CCND3: variants seen among roughly 807,000 people sequenced by gnomAD.
CCND3 encodes the protein cyclin D3, also known as G1/S-specific cyclin-D3.
In CCND3, 9 loss-of-function variants were observed where a neutral mutation model predicts 28.7. That is an observed-to-expected ratio of 0.31 (90% CI 0.19 to 0.55). CCND3 has a LOEUF of 0.55. CCND3 is among the 20% of genes least tolerant of loss of function. CCND3 has a pLI of 0.93. For missense variants in CCND3, 315 were observed against 385.8 expected (o/e 0.82, Z 1.54); for synonymous variants, 164 against 163.9 (o/e 1.00, Z 0.00).
At chr6:41,969,737 AAAAC>A (rs960473625) in intron 1 of CCND3, among the ~76,000 whole-genome samples, 17 of 152,254 alleles carry the variant, frequency 1.1e-4, no homozygotes, top group Middle Eastern at 3.4e-3. Context: ...TCCATCTCAA[AAAAC>A]AAACAAACAA....
intron 1 of CCND3, among the ~76,000 whole-genome samples, chr6:42,025,917 C>T (rs1479366376): frequency 6.6e-6 from 1 of 152,142 alleles, no homozygotes; most frequent in Non-Finnish European, 1.5e-5. Context: ...AGACACTGAG[C>T]GGATGAGTGA....
At chr6:41,998,837 AC>A (rs1369192372) in intron 1 of CCND3, among the ~76,000 whole-genome samples, 1 of 150,340 alleles carries the variant, frequency 6.7e-6, no homozygotes, top group African/African-American at 2.4e-5. Context: ...GTGCCACCAC[AC>A]CTGGTTAATT....
Position 42,048,416 on chromosome 6 carries a change from C to A in CCND3, c.-46+85G>T. 2.8e-6 allele frequency: 1 copy of A among 363,324 alleles called. No individual in the cohort carries two copies. The highest frequency in any genetic ancestry group is 5.5e-6 in the Non-Finnish European group (1 of 182,944). The allele number at this position is 363,324 out of a possible 1,614,324, so 22.5% of individuals were successfully genotyped here. On this transcript the variant is annotated intron_variant, in intron 1 of 4. Transcript: ENST00000372988. The surrounding 1 kb of genome is among the most constrained non-coding windows in gnomAD (Gnocchi z 4.7). ...GATGAGGATGCGGCGACCCCATTGACCCACCCAGCACCGATCCCCAACGCA... is the reference window on the plus strand; with the variant it reads ...GATGAGGATGCGGCGACCCCATTGAACCACCCAGCACCGATCCCCAACGCA...
intron 1 of CCND3, among the ~76,000 whole-genome samples, chr6:41,969,408 C>T (rs1200432245): frequency 1.3e-5 from 2 of 151,526 alleles, no homozygotes; most frequent in Admixed American, 6.6e-5. Flanking sequence ...CCCAGCTACT[C>T]GGGAGGCTGA....
At chr6:42,033,672 A>C (rs948404892) in intron 1 of CCND3, among the ~76,000 whole-genome samples, 1 of 150,646 alleles carries the variant, frequency 6.6e-6, no homozygotes, top group African/African-American at 2.4e-5. Context: ...ACATGGAAAA[A>C]CCCCGTCTCT....
intron 1 of CCND3, among the ~76,000 whole-genome samples, chr6:41,987,511 C>CTG (rs1239234289): frequency 9.2e-5 from 4 of 43,510 alleles, no homozygotes; most frequent in African/African-American, 8.3e-4. Context: ...CTCTCTCTCT[C>CTG]TCTCTCTGTG....
intron 1 of CCND3, among the ~76,000 whole-genome samples, chr6:41,988,689 A>G (rs937852706): frequency 8.6e-6 from 1 of 116,836 alleles, no homozygotes; most frequent in Non-Finnish European, 1.8e-5. Flanking sequence ...TGATAAGCTG[A>G]ACTTCTTTTC....
At chr6:41,988,055 C>A (rs1223392145) in intron 1 of CCND3, among the ~76,000 whole-genome samples, 1 of 151,966 alleles carries the variant, frequency 6.6e-6, no homozygotes, top group Non-Finnish European at 1.5e-5. Flanking sequence ...GTGGCTTATG[C>A]CTGTAATCCC....
rs565999550 is a variant in CCND3 at position 41,974,246 on chromosome 6, G to A, written c.-45-33661C>T. 4.6e-5 allele frequency among the ~76,000 whole-genome samples: 7 copies of A among 152,186 alleles called. No individual in the cohort carries two copies. In the East Asian group the frequency reaches 7.7e-4, roughly 17 times the overall value. On this transcript the variant is annotated intron_variant, in intron 1 of 4. Coordinates refer to the CCND3 transcript ENST00000372988. ...CACAACTCATGTGATACTATCATTC[G>A]TGCACCCATACCCCACTTCCAACTC...
At chr6:41,957,328 T>C (rs1049103008) in intron 1 of CCND3, among the ~76,000 whole-genome samples, 5 of 152,208 alleles carry the variant, frequency 3.3e-5, no homozygotes, top group Non-Finnish European at 5.9e-5. Context: ...AGCCTGGTTT[T>C]CAAAATTGCC....
rs1775920268 is a variant in CCND3, at chr6:41,939,510, T to C, written c.414+860A>G. ...GGCGGGACAGAACCGGTGACTTTCC[T>C]GCCCGGCCTGAGCCCAGCCCAAGTT... On this transcript the variant is annotated intron_variant, in intron 2 of 4. Coordinates refer to ENST00000372991, the MANE Select transcript of CCND3 (RefSeq NM_001760.5). The surrounding 1 kb of genome is among the most constrained non-coding windows in gnomAD (Gnocchi z 4.2). Among the ~76,000 whole-genome samples, 1 of 152,126 alleles carries C rather than the reference T, an allele frequency of 6.6e-6. No homozygotes were observed. Among genetic ancestry groups the C allele is most frequent in the Non-Finnish European group, 1.5e-5 (1 of 68,006 alleles).
At chr6:42,031,813 CT>C (rs35518846) in intron 1 of CCND3, among the ~76,000 whole-genome samples, 6,341 of 128,832 alleles carry the variant, frequency 0.049, 178 homozygotes, top group South Asian at 0.14. Flanking sequence ...GCAACTGACT[CT>C]TTTTTTTTTT....
At chr6:41,986,853 A>G (rs1762493197) in intron 1 of CCND3, among the ~76,000 whole-genome samples, 1 of 151,950 alleles carries the variant, frequency 6.6e-6, no homozygotes, top group African/African-American at 2.4e-5. Flanking sequence ...TCACGGATCT[A>G]TTTCTGAGGA....
chr6:41,962,450 T>C (rs1484423042), intron 1 of CCND3, among the ~76,000 whole-genome samples: 2 of 151,882 alleles, frequency 1.3e-5, no homozygotes, highest in African/African-American at 2.4e-5. Context: ...CTTCTTTTGC[T>C]CCCCAAAACC....
At position 41,956,986 on chromosome 6, in the gene CCND3, G is replaced by A. The variant is rs571342613; in HGVS notation, c.-45-16401C>T. Among the ~76,000 whole-genome samples, 306 of 152,220 alleles carry A rather than the reference G, an allele frequency of 2.0e-3. 2 individuals carry two copies. Among genetic ancestry groups the A allele is most frequent in the African/African-American group, 6.9e-3 (287 of 41,536 alleles). ...GCGGAACTTGCAGTGAGCCAAGATCGCACCACTGCACTCCAGCCTGGGCAA... is the reference window on the plus strand; with the variant it reads ...GCGGAACTTGCAGTGAGCCAAGATCACACCACTGCACTCCAGCCTGGGCAA... On this transcript the variant is annotated intron_variant, in intron 1 of 4. Transcript: ENST00000372988.
At chr6:41,959,675 A>G (rs753058765) in intron 1 of CCND3, among the ~76,000 whole-genome samples, 3 of 146,924 alleles carry the variant, frequency 2.0e-5, no homozygotes, top group Non-Finnish European at 3.0e-5. Context: ...CGACACAGCA[A>G]GACTAAATCA....
upstream of CCND3, among the ~76,000 whole-genome samples, chr6:41,946,679 A>C (rs1441037306): frequency 6.6e-6 from 1 of 150,614 alleles, no homozygotes; most frequent in Non-Finnish European, 1.5e-5. Context: ...TCAAGGAGCT[A>C]TCTCGGTGCT....
Position 41,941,778 on chromosome 6 carries a change from G to A in CCND3, c.-129C>T. 1 of 380,896 alleles carries A rather than the reference G, an allele frequency of 2.6e-6. No homozygotes were observed. The highest frequency in any genetic ancestry group is 3.4e-6 in the Non-Finnish European group (1 of 291,264). 23.6% of individuals were successfully genotyped at this position (380,896 alleles called of 1,614,324 possible). ...TGCGCGGCGGATCCCCAGCCCGCCC[G>A]CCGCCCGCGCGCGCGCGCCGCTTCC... is the stretch of plus-strand genomic sequence containing the variant. On this transcript the variant is annotated 5_prime_UTR_variant, in exon 1 of 5. Transcript: ENST00000372991. The surrounding 1 kb of genome is among the most constrained non-coding windows in gnomAD (Gnocchi z 6.1).
At chr6:42,018,146 C>T (rs1475633292) in intron 1 of CCND3, among the ~76,000 whole-genome samples, 1 of 151,888 alleles carries the variant, frequency 6.6e-6, no homozygotes, top group Non-Finnish European at 1.5e-5. Context: ...GAGACTCCGT[C>T]TCTAAATAAA....
Sources: allele counts gnomAD v4.1 joint callset (sites outside exome capture counted in the v4.1 genomes callset), GRCh38; gene constraint gnomAD v4.1.1; non-coding constraint Gnocchi (gnomAD v3.1); transcripts MANE v1.5; gene names NCBI Gene and HGNC (gene_info 2026-07-23, HGNC 2026-07-21).